Variants in CREB5 observed in about 807,000 individuals in gnomAD.
CREB5 encodes cyclic AMP-responsive element-binding protein 5.
A neutral mutation model predicts 57.1 loss-of-function variants in CREB5; 19 were observed. The ratio of observed to expected loss-of-function variants is 0.33; its 90% CI spans 0.23 to 0.49. The LOEUF (loss-of-function observed/expected upper bound fraction) is 0.49, where lower values mean the gene tolerates loss of function less well. Ranked by LOEUF, CREB5 falls within the 20% of genes least tolerant of loss-of-function variation. The pLI, the probability that CREB5 is intolerant of heterozygous loss-of-function variation, is 0.99. For synonymous variants in CREB5, 238 were observed against 238.3 expected (o/e 1.00, Z 0.01); for missense variants, 579 against 671.6 (o/e 0.86, Z 1.52).
chr7:28,446,917 T>A (rs2128564682), intron 1 of CREB5, among the ~76,000 whole-genome samples: 1 of 152,338 alleles, frequency 6.6e-6, no homozygotes, highest in South Asian at 2.1e-4. Flanking sequence ...TTGAAGTACC[T>A]CCTCTACTAA....
chr7:28,578,960 C>A (rs1460979747), intron 5 of CREB5, among the ~76,000 whole-genome samples: 7 of 152,056 alleles, frequency 4.6e-5, no homozygotes, highest in Non-Finnish European at 1.0e-4. Context: ...AAAGGGAATC[C>A]TTGATATTAA....
chr7:28,642,987 T>TACACACATACAC (rs1562544746), intron 5 of CREB5, among the ~76,000 whole-genome samples: 1,950 of 98,372 alleles, frequency 0.02, 23 homozygotes, highest in East Asian at 0.061. Flanking sequence ...CACACACACA[T>TACACACATACAC]ACACACACAC....
chr7:28,560,823 C>CAT lies in CREB5; in HGVS notation c.292-9542_292-9541insAT, dbSNP rs1795079343. Among the ~76,000 whole-genome samples, 2 of 34,452 alleles carry CAT rather than the reference C, an allele frequency of 5.8e-5. 1 individual carries two copies. The highest frequency in any genetic ancestry group is 1.3e-4 in the Non-Finnish European group (2 of 15,080). 22.6% of individuals were successfully genotyped at this position (34,452 alleles called of 152,430 possible). On this transcript the variant is annotated intron_variant, in intron 4 of 10. Transcript: ENST00000357727. ...GTGTGTGTGCGCGTGTGTGTGTGTG[C>CAT]GCGCGCGCGCGTGTGTGTGTGCGCG...
At chr7:28,324,102 G>A (rs1012428296) in intron 1 of CREB5, among the ~76,000 whole-genome samples, 1 of 152,160 alleles carries the variant, frequency 6.6e-6, no homozygotes, top group African/African-American at 2.4e-5. Context: ...CTCACCTCAC[G>A]CTGTGCGGTC....
intron 7 of CREB5, among the ~76,000 whole-genome samples, chr7:28,784,549 G>A (rs1232045795): frequency 6.6e-6 from 1 of 152,054 alleles, no homozygotes; most frequent in Non-Finnish European, 1.5e-5. Flanking sequence ...ACATAGAGTT[G>A]AAGTGAGTGG....
intron 5 of CREB5, among the ~76,000 whole-genome samples, chr7:28,656,828 C>A (rs930459585): frequency 1.3e-5 from 2 of 151,386 alleles, no homozygotes; most frequent in African/African-American, 4.9e-5. Context: ...ATTTTTTGAC[C>A]TTGTGCATTT....
chr7:28,734,222 A>G (rs1803839721), intron 7 of CREB5, among the ~76,000 whole-genome samples: 1 of 151,386 alleles, frequency 6.6e-6, no homozygotes, highest in South Asian at 2.1e-4. Context: ...AAAAAAAAAA[A>G]AAAAAAAACA....
intron 7 of CREB5, among the ~76,000 whole-genome samples, chr7:28,802,077 T>TG (rs201118352): frequency 0.18 from 1,972 of 10,838 alleles, 67 homozygotes; most frequent in African/African-American, 0.34. Flanking sequence ...AGACTCCATC[T>TG]GAAAAAAAAA....
In CREB5 at chr7:28,475,362, G is replaced by T. The variant is rs568817300; in HGVS notation, c.4-12813G>T. Among the ~76,000 whole-genome samples the T allele has an allele frequency of 2.1e-5, 3 of 145,414 alleles. No homozygotes were observed. The South Asian group carries it at 6.7e-4, about 32-fold the overall frequency. ...GAGGTGGGAGGATTGCTTGAGTCCAGGAGTTCAAGAGCCTTCTGGGTAACA... is the reference window on the plus strand; with the variant it reads ...GAGGTGGGAGGATTGCTTGAGTCCATGAGTTCAAGAGCCTTCTGGGTAACA... On this transcript the variant is annotated intron_variant, in intron 1 of 10. Coordinates refer to ENST00000357727, the MANE Select transcript of CREB5 (RefSeq NM_182898.4).
chr7:28,760,128 C>T (rs1306562203), intron 7 of CREB5, among the ~76,000 whole-genome samples: 1 of 152,182 alleles, frequency 6.6e-6, no homozygotes, highest in Non-Finnish European at 1.5e-5. Context: ...AGAAATACTT[C>T]TCTATCAACA....
chr7:28,462,571 C>T (rs1448429060), intron 1 of CREB5, among the ~76,000 whole-genome samples: 2 of 152,184 alleles, frequency 1.3e-5, no homozygotes, highest in Non-Finnish European at 2.9e-5. Context: ...TTATCTGAAT[C>T]ATCACCAACA....
intron 5 of CREB5, among the ~76,000 whole-genome samples, chr7:28,580,734 G>A (rs1443533652): frequency 6.6e-6 from 1 of 152,058 alleles, no homozygotes; most frequent in Non-Finnish European, 1.5e-5. Flanking sequence ...TTATTTGCTT[G>A]GTTGAGTTGG....
At chr7:28,544,580 T>C (rs553075581) in intron 4 of CREB5, among the ~76,000 whole-genome samples, 1 of 152,352 alleles carries the variant, frequency 6.6e-6, no homozygotes, top group Admixed American at 6.5e-5. Context: ...TATGGTTTTT[T>C]TTAAGGCAGT....
intron 1 of CREB5, among the ~76,000 whole-genome samples, chr7:28,306,768 A>G (rs539736524): frequency 1.3e-5 from 2 of 152,036 alleles, no homozygotes; most frequent in South Asian, 4.2e-4. Flanking sequence ...TCACCGTGTT[A>G]GCCGGGATGG....
intron 1 of CREB5, among the ~76,000 whole-genome samples, chr7:28,312,961 C>A (rs542120105): frequency 6.6e-6 from 1 of 152,280 alleles, no homozygotes; most frequent in East Asian, 1.9e-4. Context: ...AATGGCCATC[C>A]AGTTCAATCT....
At chr7:28,299,740 C>T (rs1267580245) in intron 1 of CREB5, among the ~76,000 whole-genome samples, 4 of 152,096 alleles carry the variant, frequency 2.6e-5, no homozygotes, top group Non-Finnish European at 5.9e-5. Context: ...GCAATGTGAC[C>T]CAACAAACAT....
chr7:28,397,273 C>G (rs1450620071), intron 1 of CREB5, among the ~76,000 whole-genome samples: 1 of 152,198 alleles, frequency 6.6e-6, no homozygotes, highest in Non-Finnish European at 1.5e-5. Flanking sequence ...TGGTATTCCT[C>G]TACAGAAGGC....
chr7:28,396,141 G>A (rs1787330044), intron 1 of CREB5, among the ~76,000 whole-genome samples: 1 of 152,146 alleles, frequency 6.6e-6, no homozygotes, highest in African/African-American at 2.4e-5. Flanking sequence ...TTTTAATGAT[G>A]AATTATAGAC....
At chr7:28,560,899 T>TGCGTGCGCGTGC (rs1337535590) in intron 4 of CREB5, among the ~76,000 whole-genome samples, 2 of 18,644 alleles carry the variant, frequency 1.1e-4, no homozygotes, top group Non-Finnish European at 2.0e-4. Flanking sequence ...TGTGTGTGCG[T>TGCGTGCGCGTGC]GCGCGCGTGC....
Sources: allele counts gnomAD v4.1 joint callset (sites outside exome capture counted in the v4.1 genomes callset), GRCh38; gene constraint gnomAD v4.1.1; transcripts MANE v1.5; gene names NCBI Gene and HGNC (gene_info 2026-07-23, HGNC 2026-07-21).